Variants in ZFAND6 observed in about 807,000 individuals in gnomAD.
ZFAND6 encodes the protein zinc finger AN1-type containing 6, also known as AN1-type zinc finger protein 6.
A neutral mutation model predicts 24.5 loss-of-function variants in ZFAND6; 12 were observed. The ratio of observed to expected loss-of-function variants is 0.49; its 90% confidence interval spans 0.31 to 0.79. The LOEUF (loss-of-function observed/expected upper bound fraction) is 0.79, where lower values mean the gene tolerates loss of function less well. Among genes scored for constraint, ZFAND6 ranks in the 30% least tolerant of loss-of-function variants. The probability of loss-of-function intolerance (pLI) is 0.04; values close to 1 mark genes in which losing one functional copy is unlikely to be tolerated. For missense variants in ZFAND6, 207 were observed against 245.9 expected, an observed-to-expected ratio of 0.84 and a Z score of 1.06; for synonymous variants, 92 against 81.5, an observed-to-expected ratio of 1.13 and a Z score of -0.69.
intron 1 of ZFAND6, among the ~76,000 whole-genome samples, chr15:80,092,545 C>T (rs912328700): frequency 1.3e-5 from 2 of 151,968 alleles, no homozygotes; most frequent in African/African-American, 4.8e-5. Context: ...GGGGTAGTAA[C>T]GTTTTAATTT....
intron 1 of ZFAND6, among the ~76,000 whole-genome samples, chr15:80,094,427 T>G (rs1446834515): frequency 6.6e-6 from 1 of 152,182 alleles, no homozygotes; most frequent in African/African-American, 2.4e-5. Flanking sequence ...GGCCTGATGA[T>G]CTGAGGTGGA....
intron 1 of ZFAND6, among the ~76,000 whole-genome samples, chr15:80,064,583 CAAAT>C (rs2036510372): frequency 7.0e-6 from 1 of 143,554 alleles, no homozygotes; most frequent in Non-Finnish European, 1.5e-5. Context: ...CATATACACA[CAAAT>C]ATATATACAC....
intron 2 of ZFAND6, among the ~76,000 whole-genome samples, chr15:80,102,407 G>T (rs906050958): frequency 2.1e-4 from 32 of 152,150 alleles, no homozygotes. Context: ...GAGCCCCCGC[G>T]CCCAGCCTTG....
At chr15:80,129,738 A>T (rs187248766) in intron 5 of ZFAND6, 7 of 152,222 alleles carry the variant, frequency 4.6e-5, no homozygotes, top group African/African-American at 1.7e-4. Context: ...GAAAAGTGCT[A>T]TACACAGGGT....
chr15:80,118,088 C>T (rs2039972779), intron 2 of ZFAND6, among the ~76,000 whole-genome samples: 2 of 151,658 alleles, frequency 1.3e-5, no homozygotes, highest in African/African-American at 4.8e-5. Context: ...TATATATACA[C>T]ACATTATACA....
chr15:80,116,984 A>G (rs74028733), intron 2 of ZFAND6, among the ~76,000 whole-genome samples: 2,633 of 152,236 alleles, frequency 0.017, 82 homozygotes, highest in African/African-American at 0.059. Context: ...TTGCTAAGCA[A>G]CCAACATTGG....
chr15:80,088,145 G>A (rs1465984772), intron 1 of ZFAND6, among the ~76,000 whole-genome samples: 2 of 151,604 alleles, frequency 1.3e-5, no homozygotes, highest in African/African-American at 4.8e-5. Flanking sequence ...TTTTTGTTTT[G>A]GTTTGCTTTG....
intron 1 of ZFAND6, among the ~76,000 whole-genome samples, chr15:80,071,761 A>G (rs1165656599): frequency 2.6e-5 from 4 of 151,318 alleles, no homozygotes; most frequent in Non-Finnish European, 4.4e-5. Context: ...AAAAAAAAAG[A>G]TGAAAAAGAC....
chr15:80,123,383 A>G (rs565642548), intron 5 of ZFAND6, among the ~76,000 whole-genome samples: 2 of 152,328 alleles, frequency 1.3e-5, no homozygotes, highest in African/African-American at 4.8e-5. Context: ...GAGAATGCGG[A>G]GTAGGCCATT....
chr15:80,074,632 A>G (rs1174264211), intron 1 of ZFAND6, among the ~76,000 whole-genome samples: 1 of 151,974 alleles, frequency 6.6e-6, no homozygotes, highest in Non-Finnish European at 1.5e-5. Context: ...GAAATGGTAT[A>G]TCAGCATCTT....
At position 80,138,164 on chromosome 15, in the gene ZFAND6, C is replaced by T. The variant is rs2040943293; in HGVS notation, c.*536C>T. On this transcript the variant is annotated 3_prime_UTR_variant, in exon 7 of 7. Coordinates refer to ENST00000261749, the MANE Select transcript of ZFAND6 (RefSeq NM_019006.4). ...CTATTTATGTCTGAATCATTTGTCACAAGAGAGTGTGTGCTGATGAGATTG... is the reference window on the plus strand; with the variant it reads ...CTATTTATGTCTGAATCATTTGTCATAAGAGAGTGTGTGCTGATGAGATTG... 6.5e-6 allele frequency: 1 copy of T among 152,730 alleles called. No homozygotes were observed. Among genetic ancestry groups the T allele is most frequent in the East Asian group, 1.9e-4 (1 of 5,204 alleles). 9.5% of individuals were successfully genotyped at this position (152,730 alleles called of 1,614,324 possible). A position where few individuals can be genotyped will look rare whatever the true frequency, so the allele number is the denominator to read the frequency against.
chr15:80,102,908 G>T (rs2039112391), intron 2 of ZFAND6, among the ~76,000 whole-genome samples: 1 of 152,096 alleles, frequency 6.6e-6, no homozygotes, highest in Non-Finnish European at 1.5e-5. Flanking sequence ...AAAGAAAAAA[G>T]GATTATTTTA....
intron 6 of ZFAND6, among the ~76,000 whole-genome samples, chr15:80,137,102 T>A (rs539760606): frequency 6.6e-6 from 1 of 152,368 alleles, no homozygotes; most frequent in African/African-American, 2.4e-5. Flanking sequence ...AGAGGTATTA[T>A]TTGATCTTTC....
chr15:80,134,500 G>A (rs1190103862), intron 6 of ZFAND6, among the ~76,000 whole-genome samples: 1 of 152,198 alleles, frequency 6.6e-6, no homozygotes, highest in Non-Finnish European at 1.5e-5. Context: ...CCAATAGAGG[G>A]AACATCATAT....
At chr15:80,087,054 C>T (rs2038050308) in intron 1 of ZFAND6, among the ~76,000 whole-genome samples, 1 of 152,150 alleles carries the variant, frequency 6.6e-6, no homozygotes, top group Non-Finnish European at 1.5e-5. Flanking sequence ...TTTGTTTATC[C>T]ATTCATCCAT....
chr15:80,100,433 T>G (rs967933865), intron 2 of ZFAND6, among the ~76,000 whole-genome samples: 1 of 152,110 alleles, frequency 6.6e-6, no homozygotes. Flanking sequence ...CTGTAGAGGG[T>G]TTAGGGGGAA....
At chr15:80,136,824 T>C (rs899567541) in intron 6 of ZFAND6, among the ~76,000 whole-genome samples, 2 of 152,374 alleles carry the variant, frequency 1.3e-5, no homozygotes, top group East Asian at 1.9e-4. Flanking sequence ...TAAAATTAAG[T>C]AGCATTTATT....
At chr15:80,060,544 C>T (rs1300845268) in intron 1 of ZFAND6, 2 of 152,150 alleles carry the variant, frequency 1.3e-5, no homozygotes, top group Admixed American at 6.5e-5. Flanking sequence ...ACCTTCACAT[C>T]TCGGAAGTTG....
At chr15:80,081,757 A>C (rs1033381239) in intron 1 of ZFAND6, among the ~76,000 whole-genome samples, 4 of 152,170 alleles carry the variant, frequency 2.6e-5, no homozygotes, top group African/African-American at 9.7e-5. Context: ...CTATGTAGAG[A>C]GAAACTTTGG....
Sources: allele counts gnomAD v4.1 joint callset (sites outside exome capture counted in the v4.1 genomes callset), GRCh38; gene constraint gnomAD v4.1.1; transcripts MANE v1.5; gene names NCBI Gene and HGNC (gene_info 2026-07-23, HGNC 2026-07-21).